GIT2: variants seen among roughly 807,000 people sequenced by gnomAD.
GIT2 encodes ARF GTPase-activating protein GIT2.
GIT2 carries 32 observed loss-of-function variants against 100.3 expected under a neutral mutation model. The observed-to-expected ratio is 0.32, with a 90% CI of 0.24 to 0.43. The LOEUF is 0.43. Ranked by LOEUF, GIT2 falls within the 20% of genes least tolerant of loss-of-function variation. The pLI is 1.00. For missense variants in GIT2, 737 were observed against 975.1 expected, an observed-to-expected ratio of 0.76 and a Z score of 3.25; for synonymous variants, 353 against 364.1, an observed-to-expected ratio of 0.97 and a Z score of 0.35.
Position 109,948,609 on chromosome 12 carries a change from G to C in GIT2, c.1393-1105C>G. 1 of 1,410,912 alleles carries C rather than the reference G, an allele frequency of 7.1e-7. No homozygotes were observed. The allele number at this position is 1,410,912 out of a possible 1,614,324, so 87.4% of individuals were successfully genotyped here. A position where few individuals can be genotyped will look rare whatever the true frequency, so the allele number is the denominator to read the frequency against. ...CATGGACATTCTATAAGCTGGGTGT[G>C]GTGTGAGTTCAGCTGTCTACTCTTT... is the stretch of plus-strand genomic sequence containing the variant. On this transcript the variant is annotated intron_variant, in intron 14 of 19. Transcript: ENST00000355312. This position sits in a 1 kb window ranked among gnomAD's most constrained non-coding sequence, Gnocchi z 4.3.
In GIT2 at chr12:109,989,013, G is replaced by A. The variant is rs774964809; in HGVS notation, c.355C>T (p.Arg119Cys). 2.5e-6 allele frequency: 4 copies of A among 1,613,002 alleles called. No homozygotes were observed. The highest frequency in any genetic ancestry group is 1.3e-5 in the African/African-American group (1 of 74,864). ...CTATCGTCATCCCGGCAGGGCAAGC[G>A]ATGGACGAACGCTAACATCTGATAC... ...AKYQMLAFVHRLPCRDDDSVT... is the reference protein window; with the variant it reads ...AKYQMLAFVHCLPCRDDDSVT... The change falls in exon 4 of 20, where the codon CGC becomes TGC. Residue 119 changes from arginine to cysteine, a missense_variant. Coordinates refer to ENST00000355312, the MANE Select transcript of GIT2 (RefSeq NM_057169.5).
At chr12:109,938,748 T>G in intron 17 of GIT2, 180 bp from the exon 18 acceptor site, 1 of 549,862 alleles carries the variant, frequency 1.8e-6, no homozygotes, top group Non-Finnish European at 3.2e-6. Context: ...CACTCTACCA[T>G]AGGGCTGGAA....
At chr12:109,938,821 G>C (rs1352655651) in intron 17 of GIT2, 1 of 515,300 alleles carries the variant, frequency 1.9e-6, no homozygotes, top group East Asian at 3.2e-5. Flanking sequence ...GGAGCGGGGA[G>C]GGTGTTTGTT....
chr12:109,965,587 C>T lies in GIT2; in HGVS notation c.765-10G>A, dbSNP rs201312093. 5.3e-4 allele frequency: 820 copies of T among 1,561,698 alleles called. 7 individuals are homozygous for T. The highest frequency in any genetic ancestry group is 1.8e-4 in the Admixed American group (10 of 56,648). On this transcript the variant is annotated splice_polypyrimidine_tract_variant and intron_variant, in intron 8 of 19. Coordinates refer to ENST00000355312, the MANE Select transcript of GIT2 (RefSeq NM_057169.5). Reference sequence around the variant, plus strand: ...AGACAAATCCAGGCTGCTAAGAAAACATACAAAGCTAATAAGCAAATAAAT... The same window carrying T: ...AGACAAATCCAGGCTGCTAAGAAAATATACAAAGCTAATAAGCAAATAAAT...
intron 4 of GIT2, among the ~76,000 whole-genome samples, chr12:109,987,864 T>C (rs1019179851): frequency 6.6e-6 from 1 of 152,220 alleles, no homozygotes; most frequent in Non-Finnish European, 1.5e-5. Flanking sequence ...GCACATTTCT[T>C]ACAGCATCTC....
Position 109,948,592 on chromosome 12 carries a change from T to G in GIT2, c.1393-1088A>C. 7.1e-7 allele frequency: 1 copy of G among 1,404,174 alleles called. No individual in the cohort carries two copies. The highest frequency in any genetic ancestry group is 9.2e-7 in the Non-Finnish European group (1 of 1,086,572). The allele number at this position is 1,404,174 out of a possible 1,614,324, so 87.0% of individuals were successfully genotyped here. On this transcript the variant is annotated intron_variant, in intron 14 of 19. Transcript: ENST00000355312. The surrounding 1 kb of genome is among the most constrained non-coding windows in gnomAD (Gnocchi z 4.3). ...GGTGCGCCTTCATCTTCCATGGACA[T>G]TCTATAAGCTGGGTGTGGTGTGAGT...
chr12:109,989,694 CT>C lies in GIT2; in HGVS notation c.294del (p.Val99TyrfsTer16). Reference protein sequence around the residue: ...SGRRKANPQDKVHPNKAEFIR... With the variant: ...SGRRKANPQDXVHPNKAEFIR... ...ATTTATAAACATTCCACTCACTGTA[CT>C]TTATCCTGTGGATTAGCTTTACGTC... On this transcript the variant is annotated frameshift_variant, in exon 3 of 20. Coordinates refer to ENST00000355312, the MANE Select transcript of GIT2 (RefSeq NM_057169.5). LOFTEE classifies it high-confidence loss of function. The C allele has an allele frequency of 6.9e-7, 1 of 1,442,632 alleles. No individual in the cohort carries two copies. Among genetic ancestry groups the C allele is most frequent in the Non-Finnish European group, 9.8e-7 (1 of 1,023,980 alleles). 89.4% of individuals were successfully genotyped at this position (1,442,632 alleles called of 1,614,324 possible). A position where few individuals can be genotyped will look rare whatever the true frequency, so the allele number is the denominator to read the frequency against.
intron 7 of GIT2, among the ~76,000 whole-genome samples, chr12:109,974,360 C>G (rs905268303): frequency 2.6e-5 from 4 of 152,036 alleles, no homozygotes; most frequent in African/African-American, 9.7e-5. Flanking sequence ...AACCCCATCT[C>G]TACTAAAAAT....
At chr12:109,952,735 C>T (rs1380176129) in intron 13 of GIT2, 10 of 465,704 alleles carry the variant, frequency 2.1e-5, no homozygotes, top group East Asian at 1.6e-4. Context: ...GTGTGTGCTT[C>T]GTATGACACA....
chr12:109,963,491 A>C (rs1881555328), intron 9 of GIT2, among the ~76,000 whole-genome samples: 1 of 152,252 alleles, frequency 6.6e-6, no homozygotes, highest in South Asian at 2.1e-4. Context: ...GAAAACAGGA[A>C]CTACTATTGT....
intron 16 of GIT2, among the ~76,000 whole-genome samples, chr12:109,941,551 T>C (rs1874699637): frequency 6.6e-6 from 1 of 151,706 alleles, no homozygotes; most frequent in South Asian, 2.1e-4. Context: ...TGAGATTGAG[T>C]TTCACTCTTG....
intron 7 of GIT2, among the ~76,000 whole-genome samples, chr12:109,968,396 T>C (rs1883010666): frequency 6.6e-6 from 1 of 152,214 alleles, no homozygotes. Flanking sequence ...GTTGTTTTCT[T>C]ACTGTTGAGT....
At chr12:109,995,993 C>A (rs755865729) in intron 1 of GIT2, 180 bp downstream of exon 1, 2 of 474,104 alleles carry the variant, frequency 4.2e-6, no homozygotes, top group Non-Finnish European at 7.5e-6. Context: ...ACGGGGAGGG[C>A]GGCGGCCCCC....
At chr12:109,945,003 T>C (rs1875888707) in intron 16 of GIT2, among the ~76,000 whole-genome samples, 1 of 152,134 alleles carries the variant, frequency 6.6e-6, no homozygotes, top group African/African-American at 2.4e-5. Context: ...ATAAATGCTG[T>C]AGGGTGATTT....
rs1565925970 is a variant in GIT2, at chr12:109,932,956, A to AG, written c.*21dup. 1 of 1,366,908 alleles carries AG rather than the reference A, an allele frequency of 7.3e-7. No individual in the cohort carries two copies. Among genetic ancestry groups the AG allele is most frequent in the Admixed American group, 1.7e-5 (1 of 59,642 alleles). The allele number at this position is 1,366,908 out of a possible 1,614,324, so 84.7% of individuals were successfully genotyped here. ...GGACTTTATAAAGCCTAGAAAACAG[A>AG]GGAGGCGGTGCCCTGCCCTTGTCAG... On this transcript the variant is annotated 3_prime_UTR_variant, in exon 20 of 20. Transcript: ENST00000355312.
intron 4 of GIT2, among the ~76,000 whole-genome samples, chr12:109,984,521 AC>A (rs1432744079): frequency 6.6e-6 from 1 of 152,080 alleles, no homozygotes; most frequent in African/African-American, 2.4e-5. Flanking sequence ...ATCATGGCTC[AC>A]TGCAGCCTCA....
intron 4 of GIT2, among the ~76,000 whole-genome samples, chr12:109,986,789 A>C (rs899762718): frequency 2.0e-5 from 3 of 149,558 alleles, no homozygotes; most frequent in African/African-American, 7.4e-5. Context: ...AAACAAACAA[A>C]CAAAAAAAAA....
chr12:109,967,568 C>T, intron 7 of GIT2, 65 bp from the exon 8 acceptor site: 1 of 1,053,896 alleles, frequency 9.5e-7, no homozygotes, highest in Non-Finnish European at 1.5e-6. Context: ...AAAGGAACAT[C>T]ACCATTATTT....
chr12:109,956,422 A>G (rs1879480213), intron 12 of GIT2, among the ~76,000 whole-genome samples: 1 of 152,216 alleles, frequency 6.6e-6, no homozygotes, highest in African/African-American at 2.4e-5. Flanking sequence ...ACTTGTTTAT[A>G]GCATGAGTGC....
Sources: allele counts gnomAD v4.1 joint callset (sites outside exome capture counted in the v4.1 genomes callset), GRCh38; gene constraint gnomAD v4.1.1; non-coding constraint Gnocchi (gnomAD v3.1); transcripts MANE v1.5; gene names NCBI Gene and HGNC (gene_info 2026-07-23, HGNC 2026-07-21).